CEP128: variants seen among roughly 807,000 people sequenced by gnomAD.
CEP128 encodes centrosomal protein 128kDa.
In CEP128, 132 loss-of-function variants were observed where a neutral mutation model predicts 156.7. The observed-to-expected ratio is 0.84, with a 90% CI of 0.73 to 0.97. CEP128 has a LOEUF of 0.97. Ranked by LOEUF, CEP128 falls within the 50% of genes least tolerant of loss-of-function variation. The probability of loss-of-function intolerance (pLI) is 0.00; values close to 1 mark genes in which losing one functional copy is unlikely to be tolerated. For missense variants in CEP128, 1,252 were observed against 1,281.9 expected, an observed-to-expected ratio of 0.98 and a Z score of 0.36; for synonymous variants, 469 against 448.9, an observed-to-expected ratio of 1.04 and a Z score of -0.57.
chr14:80,492,666 C>A (rs139256500), downstream of CEP128, among the ~76,000 whole-genome samples: 999 of 152,140 alleles, frequency 6.6e-3, 9 homozygotes, highest in African/African-American at 0.023. Flanking sequence ...TTTTGAAAGC[C>A]ATTTGAATGC....
chr14:80,823,846 T>G (rs1433045532), intron 13 of CEP128, among the ~76,000 whole-genome samples: 1 of 152,246 alleles, frequency 6.6e-6, no homozygotes, highest in East Asian at 1.9e-4. Context: ...AGTGGTCCTC[T>G]TCTCACAGTT....
chr14:80,899,825 ACT>A, intron 7 of CEP128, 111 bp downstream of exon 7: 4 of 670,560 alleles, frequency 6.0e-6, no homozygotes, highest in Non-Finnish European at 1.0e-5. Flanking sequence ...ATTTTAAGGT[ACT>A]GTATACAAAC....
chr14:80,909,440 A>G (rs1884081659), intron 4 of CEP128, among the ~76,000 whole-genome samples: 2 of 151,816 alleles, frequency 1.3e-5, no homozygotes, highest in Non-Finnish European at 1.5e-5. Flanking sequence ...AAAAGTTACC[A>G]TGGGACATAA....
At chr14:80,925,242 GA>G (rs1441449606) in intron 2 of CEP128, among the ~76,000 whole-genome samples, 6 of 151,300 alleles carry the variant, frequency 4.0e-5, no homozygotes, top group Admixed American at 3.9e-4. Context: ...AGACCACCAA[GA>G]AAAAAAATGC....
chr14:80,595,698 G>T (rs1892284923), intron 19 of CEP128, among the ~76,000 whole-genome samples: 1 of 152,170 alleles, frequency 6.6e-6, no homozygotes, highest in Non-Finnish European at 1.5e-5. Flanking sequence ...ATATTAGTCT[G>T]TTCTCACACT....
intron 16 of CEP128, among the ~76,000 whole-genome samples, chr14:80,762,798 G>T (rs1291545939): frequency 6.6e-6 from 1 of 152,104 alleles, no homozygotes; most frequent in Non-Finnish European, 1.5e-5. Flanking sequence ...TTCAAAATGG[G>T]GCTGGTAGCC....
chr14:80,955,323 A>G (rs1485618046), intron 2 of CEP128: 3 of 320,330 alleles, frequency 9.4e-6, no homozygotes, highest in African/African-American at 8.3e-5. Context: ...TAGGCTTTGG[A>G]GAGAACTAAT....
chr14:80,692,370 C>T (rs2139314564), intron 19 of CEP128, among the ~76,000 whole-genome samples: 2 of 152,198 alleles, frequency 1.3e-5, no homozygotes, highest in Admixed American at 6.5e-5. Context: ...AATTAACATG[C>T]TGAGTTCAAT....
chr14:80,556,667 C>T lies in CEP128; in HGVS notation c.2880+2612G>A, dbSNP rs561281931. ...CTACTGCACTGCTAAAATCAATCTA[C>T]TGTAAATACTCCTAATGGAATGGTG... On this transcript the variant is annotated intron_variant, in intron 21 of 24. Coordinates refer to ENST00000555265, the MANE Select transcript of CEP128 (RefSeq NM_152446.5). Among the ~76,000 whole-genome samples the T allele has an allele frequency of 8.5e-4, 129 of 152,256 alleles. 1 individual carries two copies. The highest frequency in any genetic ancestry group is 1.6e-3 in the Non-Finnish European group (111 of 68,008).
chr14:80,485,231 G>A (rs1314911273), intron 14 of CEP128, among the ~76,000 whole-genome samples: 5 of 152,072 alleles, frequency 3.3e-5, no homozygotes, highest in Admixed American at 2.6e-4. Context: ...GAAAGTAAAG[G>A]TTGCCCAAAA....
chr14:80,564,623 G>C (rs1890833942), intron 20 of CEP128, among the ~76,000 whole-genome samples: 1 of 152,158 alleles, frequency 6.6e-6, no homozygotes, highest in Admixed American at 6.5e-5. Context: ...TCACTCCTGG[G>C]TGTAGGCTGA....
intron 18 of CEP128, among the ~76,000 whole-genome samples, chr14:80,745,117 T>C (rs1242932407): frequency 2.6e-5 from 4 of 152,170 alleles, no homozygotes; most frequent in Non-Finnish European, 1.5e-5. Flanking sequence ...GACTGGATCA[T>C]GCGGGCAGTT....
chr14:80,622,004 C>T (rs186960454), intron 19 of CEP128, among the ~76,000 whole-genome samples: 99 of 152,246 alleles, frequency 6.5e-4, no homozygotes, highest in East Asian at 6.2e-3. Flanking sequence ...TTTACATCTG[C>T]TCATTTCTTA....
Position 80,496,850 on chromosome 14 carries a change from C to T in CEP128, c.*629G>A, listed in dbSNP as rs1887514651. ...GAATTCTTTACAGTGCTCTACAGTTCAGATATCATTTATGAATTCTTTATT... is the reference window on the plus strand; with the variant it reads ...GAATTCTTTACAGTGCTCTACAGTTTAGATATCATTTATGAATTCTTTATT... On this transcript the variant is annotated 3_prime_UTR_variant, in exon 25 of 25. Transcript: ENST00000555265. 1 of 152,116 alleles carries T rather than the reference C, an allele frequency of 6.6e-6. No homozygotes were observed. The highest frequency in any genetic ancestry group is 6.6e-5 in the Admixed American group (1 of 15,254). 9.4% of individuals were successfully genotyped at this position (152,116 alleles called of 1,614,324 possible). A position where few individuals can be genotyped will look rare whatever the true frequency, so the allele number is the denominator to read the frequency against.
intron 19 of CEP128, among the ~76,000 whole-genome samples, chr14:80,609,500 C>G (rs1183540174): frequency 6.6e-6 from 1 of 152,104 alleles, no homozygotes; most frequent in Admixed American, 6.6e-5. Flanking sequence ...TTTGGGTGTC[C>G]ATTTTCCCAC....
chr14:80,509,183 A>G lies in CEP128; in HGVS notation c.3073-4163T>C, dbSNP rs1389947221. Among the ~76,000 whole-genome samples the G allele has an allele frequency of 2.6e-5, 4 of 152,350 alleles. No individual in the cohort carries two copies. In the East Asian group the frequency reaches 7.7e-4, roughly 29 times the overall value. On this transcript the variant is annotated intron_variant, in intron 23 of 24. Coordinates refer to ENST00000555265, the MANE Select transcript of CEP128 (RefSeq NM_152446.5). ...TAGAAGTGAGATACCTAGCTGGATCATATGGTAGTTCTATTTTTAGTTTTT... is the reference window on the plus strand; with the variant it reads ...TAGAAGTGAGATACCTAGCTGGATCGTATGGTAGTTCTATTTTTAGTTTTT...
chr14:80,541,062 A>G (rs1889735040), intron 21 of CEP128, among the ~76,000 whole-genome samples: 2 of 152,312 alleles, frequency 1.3e-5, no homozygotes, highest in Middle Eastern at 3.4e-3. Flanking sequence ...AAGATCATCA[A>G]TAAGAAGAAA....
Position 80,749,270 on chromosome 14 carries a change from T to A in CEP128, c.2614-6003A>T, listed in dbSNP as rs147393203. Among the ~76,000 whole-genome samples, 81 of 152,248 alleles carry A rather than the reference T, an allele frequency of 5.3e-4. No individual in the cohort carries two copies. In the East Asian group the frequency reaches 0.015, roughly 28 times the overall value. On this transcript the variant is annotated intron_variant, in intron 18 of 24. Coordinates refer to ENST00000555265, the MANE Select transcript of CEP128 (RefSeq NM_152446.5). ...ATAGAGCTACCATACAATCCAGCAA[T>A]CCCGTTGCTAGGTATATACCCAAAA...
intron 19 of CEP128, among the ~76,000 whole-genome samples, chr14:80,682,635 A>G (rs1417929910): frequency 1.3e-5 from 2 of 152,208 alleles, no homozygotes; most frequent in Admixed American, 1.3e-4. Flanking sequence ...ATCAAGGAAT[A>G]TAGTCAGCAG....
Sources: allele counts gnomAD v4.1 joint callset (sites outside exome capture counted in the v4.1 genomes callset), GRCh38; gene constraint gnomAD v4.1.1; transcripts MANE v1.5; gene names NCBI Gene and HGNC (gene_info 2026-07-23, HGNC 2026-07-21).